PRKX: variants seen among roughly 807,000 people sequenced by gnomAD.
PRKX encodes the protein protein kinase cAMP-dependent X-linked catalytic subunit.
In PRKX, 12 loss-of-function variants were observed where a neutral mutation model predicts 22.0. The ratio of observed to expected loss-of-function variants is 0.54; its 90% CI spans 0.35 to 0.88. The LOEUF (loss-of-function observed/expected upper bound fraction) is 0.88. PRKX is among the 40% of genes least tolerant of loss of function. PRKX has a pLI of 0.01. For synonymous variants in PRKX, 134 were observed against 137.7 expected (o/e 0.97, Z 0.19); for missense variants, 217 against 308.0 (o/e 0.70, Z 2.21).
intron 4 of PRKX, among the ~76,000 whole-genome samples, chrX:3,636,111 T>C (rs113700558): frequency 8.9e-6 from 1 of 112,591 alleles, no homozygotes. Flanking sequence ...CCTAATCACA[T>C]GGCAGATTTT....
intron 3 of PRKX, among the ~76,000 whole-genome samples, chrX:3,643,203 G>A (rs1447847651): frequency 1.0e-5 from 1 of 100,097 alleles, no homozygotes; most frequent in East Asian, 3.2e-4. Context: ...TTCCTTTAAA[G>A]GTGCCTGCTT....
chrX:3,686,040 C>A (rs1399491892), intron 1 of PRKX, among the ~76,000 whole-genome samples: 1 of 111,478 alleles, frequency 9.0e-6, no homozygotes, highest in Non-Finnish European at 1.9e-5. Context: ...AGAGCAAGAC[C>A]CCCTCTCAAC....
intron 2 of PRKX, among the ~76,000 whole-genome samples, chrX:3,673,171 G>A (rs1385015516): frequency 2.7e-5 from 3 of 111,199 alleles, no homozygotes; most frequent in Admixed American, 9.6e-5. Context: ...CCTGTGTCCC[G>A]GGGACAGCAG....
chrX:3,683,108 C>T (rs28754695), intron 1 of PRKX, among the ~76,000 whole-genome samples: 1 of 112,327 alleles, frequency 8.9e-6, no homozygotes, highest in African/African-American at 3.2e-5. Flanking sequence ...ACAGCCCTGC[C>T]GCATCTGCAC....
At chrX:3,618,040 T>G (rs1926469633) in intron 6 of PRKX, among the ~76,000 whole-genome samples, 1 of 79,978 alleles carries the variant, frequency 1.3e-5, no homozygotes, top group African/African-American at 5.0e-5. Context: ...ACCTCCGCCT[T>G]GCTGTGTCTC....
intron 3 of PRKX, among the ~76,000 whole-genome samples, chrX:3,649,960 T>C (rs1927283990): frequency 9.1e-6 from 1 of 109,337 alleles, no homozygotes; most frequent in Non-Finnish European, 1.9e-5. Context: ...GGCAACATAG[T>C]GAAACCCCGT....
chrX:3,678,765 C>T (rs1368159918), intron 1 of PRKX, among the ~76,000 whole-genome samples: 2 of 111,761 alleles, frequency 1.8e-5, no homozygotes, highest in African/African-American at 6.5e-5. Flanking sequence ...AGATCTTCCC[C>T]GCTTGGTGTT....
chrX:3,701,992 G>A lies in PRKX; in HGVS notation c.166+11096C>T, dbSNP rs150454593. ...AGCCCTCGAAGCCACTCTGTCTATG[G>A]AGGAGCCATTCTTTTATTCCTCTAC... On this transcript the variant is annotated intron_variant, in intron 1 of 8. Coordinates refer to ENST00000262848, the MANE Select transcript of PRKX (RefSeq NM_005044.5). Among the ~76,000 whole-genome samples the A allele has an allele frequency of 2.4e-3, 272 of 112,308 alleles. 1 individual carries two copies. The highest frequency in any genetic ancestry group is 8.6e-3 in the African/African-American group (267 of 30,954).
chrX:3,711,721 G>T (rs1460827299), intron 1 of PRKX, among the ~76,000 whole-genome samples: 2 of 110,942 alleles, frequency 1.8e-5, no homozygotes, highest in African/African-American at 6.6e-5. Flanking sequence ...AGCTTTCCGG[G>T]GGGACCAAGA....
intron 5 of PRKX, among the ~76,000 whole-genome samples, chrX:3,622,093 G>A (rs1212784576): frequency 9.0e-5 from 10 of 110,852 alleles, no homozygotes; most frequent in Admixed American, 5.8e-4. Flanking sequence ...GCAGTGAGCT[G>A]AGACTGAGCC....
intron 1 of PRKX, among the ~76,000 whole-genome samples, chrX:3,699,956 A>C (rs112431946): frequency 0.011 from 1,170 of 111,267 alleles, 15 homozygotes; most frequent in African/African-American, 0.037. Flanking sequence ...GGTGAAGAGG[A>C]GACTGGGAGT....
chrX:3,673,087 T>C (rs1332387722), intron 2 of PRKX, among the ~76,000 whole-genome samples: 2 of 111,186 alleles, frequency 1.8e-5, no homozygotes, highest in Admixed American at 1.9e-4. Flanking sequence ...TTAGGCAGCA[T>C]TGGGTCTAGA....
At chrX:3,630,468 C>G (rs777201476) in intron 4 of PRKX, among the ~76,000 whole-genome samples, 154 of 111,389 alleles carry the variant, frequency 1.4e-3, no homozygotes, top group Middle Eastern at 4.6e-3. Context: ...GCTGAGGCAG[C>G]GGAATGGCGT....
intron 2 of PRKX, among the ~76,000 whole-genome samples, chrX:3,674,153 G>A (rs771062564): frequency 9.0e-6 from 1 of 110,966 alleles, no homozygotes; most frequent in African/African-American, 3.3e-5. Context: ...ATCTCAACGG[G>A]GTATCTCTCA....
At chrX:3,683,745 G>A (rs1398951415) in intron 1 of PRKX, among the ~76,000 whole-genome samples, 1 of 111,550 alleles carries the variant, frequency 9.0e-6, no homozygotes. Flanking sequence ...AGGCTGAGGT[G>A]GGAGGATTGC....
intron 4 of PRKX, among the ~76,000 whole-genome samples, chrX:3,635,031 G>A (rs1324484597): frequency 8.9e-6 from 1 of 111,986 alleles, no homozygotes; most frequent in Non-Finnish European, 1.9e-5. Flanking sequence ...AGAAAGTGTG[G>A]TTACACATTT....
At chrX:3,671,532 G>A (rs1927846800) in intron 2 of PRKX, among the ~76,000 whole-genome samples, 1 of 111,561 alleles carries the variant, frequency 9.0e-6, no homozygotes, top group Non-Finnish European at 1.9e-5. Flanking sequence ...ATGCTTTTTG[G>A]CAACACCACC....
intron 1 of PRKX, among the ~76,000 whole-genome samples, chrX:3,708,682 T>C (rs1247679623): frequency 9.2e-6 from 1 of 108,646 alleles, no homozygotes; most frequent in African/African-American, 3.4e-5. Context: ...CTAATCAACA[T>C]GGAGAAACCC....
At chrX:3,638,874 A>C (rs1221395215) in intron 4 of PRKX, among the ~76,000 whole-genome samples, 1 of 106,148 alleles carries the variant, frequency 9.4e-6, no homozygotes, top group Non-Finnish European at 1.9e-5. Flanking sequence ...CACATAGATA[A>C]ATAGGAAGTA....
Sources: allele counts gnomAD v4.1 joint callset (sites outside exome capture counted in the v4.1 genomes callset), GRCh38; gene constraint gnomAD v4.1.1; transcripts MANE v1.5; gene names NCBI Gene and HGNC (gene_info 2026-07-23, HGNC 2026-07-21).